MAGI2: variants seen among roughly 807,000 people sequenced by gnomAD.
MAGI2 encodes the protein membrane associated guanylate kinase, WW and PDZ domain containing 2.
Under a neutral mutation model 133.3 loss-of-function variants are expected in MAGI2, and 35 were observed. The observed-to-expected ratio is 0.26, with a 90% CI of 0.20 to 0.35. MAGI2 has a LOEUF of 0.35. MAGI2 is among the 10% of genes least tolerant of loss of function. MAGI2 has a pLI of 1.00. For synonymous variants in MAGI2, 729 were observed against 710.6 expected (o/e 1.03, Z -0.41); for missense variants, 1,636 against 1,863.4 (o/e 0.88, Z 2.25).
chr7:79,127,473 C>G (rs1477554848), intron 1 of MAGI2, among the ~76,000 whole-genome samples: 1 of 152,032 alleles, frequency 6.6e-6, no homozygotes, highest in Non-Finnish European at 1.5e-5. Flanking sequence ...TGTTTCCTGA[C>G]TTTTTAATGA....
chr7:79,050,756 C>T (rs1812603709), intron 1 of MAGI2, among the ~76,000 whole-genome samples: 1 of 152,192 alleles, frequency 6.6e-6, no homozygotes, highest in African/African-American at 2.4e-5. Context: ...TTTGACTCAC[C>T]AACATTCAGT....
chr7:78,553,684 A>T (rs1799552545), intron 3 of MAGI2, among the ~76,000 whole-genome samples: 1 of 152,222 alleles, frequency 6.6e-6, no homozygotes, highest in Non-Finnish European at 1.5e-5. Context: ...TATGCTCAAC[A>T]GTTCTGTGAC....
intron 1 of MAGI2, among the ~76,000 whole-genome samples, chr7:79,056,929 A>G (rs1813198510): frequency 6.6e-6 from 1 of 152,126 alleles, no homozygotes; most frequent in East Asian, 1.9e-4. Context: ...TTTTTTCTAG[A>G]TATTTTCCTT....
intron 2 of MAGI2, among the ~76,000 whole-genome samples, chr7:78,994,001 A>G (rs140189270): frequency 1.3e-4 from 20 of 152,172 alleles, no homozygotes; most frequent in African/African-American, 3.9e-4. Context: ...TCCAGGAACC[A>G]GGGAGGAAGC....
intron 20 of MAGI2, among the ~76,000 whole-genome samples, chr7:78,090,321 G>A (rs943146431): frequency 3.9e-5 from 6 of 152,188 alleles, no homozygotes; most frequent in African/African-American, 1.4e-4. Flanking sequence ...TAAACTCTTG[G>A]AAAGAGGGAG....
intron 9 of MAGI2, among the ~76,000 whole-genome samples, chr7:78,294,965 C>A (rs1164667433): frequency 6.9e-6 from 1 of 144,856 alleles, no homozygotes; most frequent in African/African-American, 2.4e-5. Flanking sequence ...TATTCTAACT[C>A]ATCAGAACAG....
At chr7:79,174,606 C>T (rs1042022169) in intron 1 of MAGI2, among the ~76,000 whole-genome samples, 3 of 151,648 alleles carry the variant, frequency 2.0e-5, no homozygotes, top group Admixed American at 2.0e-4. Flanking sequence ...AATCCCAGCA[C>T]TTTGGGAGGC....
chr7:79,441,155 T>A (rs1848469923), intron 1 of MAGI2, among the ~76,000 whole-genome samples: 2 of 152,214 alleles, frequency 1.3e-5, no homozygotes, highest in Non-Finnish European at 2.9e-5. Context: ...GCCATCCTGA[T>A]ACGAAACACT....
intron 10 of MAGI2, among the ~76,000 whole-genome samples, chr7:78,228,496 T>C (rs1229504101): frequency 6.6e-6 from 1 of 152,226 alleles, no homozygotes; most frequent in African/African-American, 2.4e-5. Context: ...GGGGCAATGA[T>C]AGAGCAGGTT....
At chr7:78,418,160 T>C (rs2151392952) in intron 6 of MAGI2, among the ~76,000 whole-genome samples, 1 of 152,196 alleles carries the variant, frequency 6.6e-6, no homozygotes, top group South Asian at 2.1e-4. Flanking sequence ...TCTCTAAAAA[T>C]GCAGAAAAAT....
chr7:78,651,322 G>GCTTC (rs3085454), intron 2 of MAGI2, among the ~76,000 whole-genome samples: 1 of 149,726 alleles, frequency 6.7e-6, no homozygotes, highest in African/African-American at 2.5e-5. Flanking sequence ...CTTTGTGCTT[G>GCTTC]TCTTACTTGG....
chr7:78,154,764 A>G (rs550939879), intron 16 of MAGI2, among the ~76,000 whole-genome samples: 28 of 152,300 alleles, frequency 1.8e-4, no homozygotes, highest in African/African-American at 6.0e-4. Flanking sequence ...TCTGGTGGGA[A>G]AGTAGGTTTG....
intron 2 of MAGI2, among the ~76,000 whole-genome samples, chr7:78,633,402 T>A (rs924128166): frequency 6.6e-6 from 1 of 151,122 alleles, no homozygotes; most frequent in African/African-American, 2.4e-5. Flanking sequence ...AACCTAAAAG[T>A]TTTTTTTTAA....
chr7:78,990,943 G>C (rs199871709), intron 2 of MAGI2, among the ~76,000 whole-genome samples: 311 of 57,600 alleles, frequency 5.4e-3, no homozygotes, highest in African/African-American at 0.016. Flanking sequence ...CACACACACA[G>C]AGATATGGTT....
chr7:78,853,105 AG>A (rs1402940515), intron 2 of MAGI2, among the ~76,000 whole-genome samples: 1 of 152,058 alleles, frequency 6.6e-6, no homozygotes, highest in African/African-American at 2.4e-5. Flanking sequence ...GATGGAGATC[AG>A]GGGTCAAGAA....
At chr7:79,253,982 C>T (rs1387946710) in intron 1 of MAGI2, among the ~76,000 whole-genome samples, 1 of 21,374 alleles carries the variant, frequency 4.7e-5, no homozygotes, top group African/African-American at 8.2e-5. Flanking sequence ...AATTGCCCTT[C>T]AAAACAAAAC....
At chr7:78,873,657 A>C (rs1795202688) in intron 2 of MAGI2, among the ~76,000 whole-genome samples, 1 of 152,152 alleles carries the variant, frequency 6.6e-6, no homozygotes, top group Non-Finnish European at 1.5e-5. Context: ...TAAAGTGTAC[A>C]ATAAATGTAA....
chr7:78,691,071 T>C (rs2151121901), intron 2 of MAGI2, among the ~76,000 whole-genome samples: 1 of 152,332 alleles, frequency 6.6e-6, no homozygotes, highest in South Asian at 2.1e-4. Flanking sequence ...TTTTAAATGA[T>C]TCTTAAATCC....
intron 1 of MAGI2, among the ~76,000 whole-genome samples, chr7:79,443,660 T>A (rs186734428): frequency 6.6e-6 from 1 of 152,310 alleles, no homozygotes; most frequent in East Asian, 1.9e-4. Flanking sequence ...TGTTTTTGTA[T>A]TATTTTTACT....
Sources: allele counts gnomAD v4.1 joint callset (sites outside exome capture counted in the v4.1 genomes callset), GRCh38; gene constraint gnomAD v4.1.1; transcripts MANE v1.5; gene names NCBI Gene and HGNC (gene_info 2026-07-23, HGNC 2026-07-21).